The following TTN variants were observed in gnomAD, a reference collection of about 807,000 sequenced individuals.
TTN encodes connectin.
In TTN, 1,525 loss-of-function variants were observed where a neutral mutation model predicts 3,223.0. That is an observed-to-expected ratio of 0.47 (90% CI 0.45 to 0.49). The LOEUF (loss-of-function observed/expected upper bound fraction) is 0.49. Among genes scored for constraint, TTN ranks in the 20% least tolerant of loss-of-function variants. The pLI, the probability that TTN is intolerant of heterozygous loss-of-function variation, is 0.00. For missense variants in TTN, 40,786 were observed against 43,424.0 expected, an observed-to-expected ratio of 0.94 and a Z score of 5.40; for synonymous variants, 14,094 against 15,161.0, an observed-to-expected ratio of 0.93 and a Z score of 5.17.
At chr2:178,792,232 C>CGGGCGCGG (rs765529883) in intron 9 of TTN, 35 bp from the exon 10 acceptor site, 4 of 1,582,012 alleles carry the variant, frequency 2.5e-6, no homozygotes, top group Non-Finnish European at 8.6e-7. Flanking sequence ...ACTTTATTTC[C>CGGGCGCGG]TGATGCCCAA....
Position 178,776,956 on chromosome 2 carries a change from A to G in TTN, c.4908T>C (p.Ala1636=). Residue 1636 remains alanine, a synonymous_variant, in exon 28 of 363, where the codon GCT becomes GCC. Transcript: ENST00000589042. ...AWYTATAINK[A]GRDTTRCKVN... ...CTTTGCATCTTGTAGTGTCTCTGCC[A>G]GCTTTATTAATAGCAGTCGCAGTAT... is the stretch of plus-strand genomic sequence containing the variant. 1.2e-6 allele frequency: 2 copies of G among 1,613,930 alleles called. No individual in the cohort carries two copies. The highest frequency in any genetic ancestry group is 1.7e-6 in the Non-Finnish European group (2 of 1,179,966).
Position 178,729,717 on chromosome 2 carries a change from T to A in TTN, c.18536A>T (p.Glu6179Val). ...RVENSGTYVC[E>V]ARNDAGTASC... Reference sequence around the variant, plus strand: ...CGCCGTGCCTGCGTCATTTCGAGCTTCACACACATAAGTCCCACTATTTTC... The same window carrying A: ...CGCCGTGCCTGCGTCATTTCGAGCTACACACACATAAGTCCCACTATTTTC... The change falls in exon 63 of 363, where the codon GAA becomes GTA. Residue 6179 changes from glutamate to valine, a missense_variant. Glu to Val is a moderately radical substitution (Grantham distance 121). Coordinates refer to ENST00000589042, the MANE Select transcript of TTN (RefSeq NM_001267550.2). The A allele has an allele frequency of 6.2e-7, 1 of 1,613,742 alleles. No homozygotes were observed. The highest frequency in any genetic ancestry group is 8.5e-7 in the Non-Finnish European group (1 of 1,179,714).
Position 178,713,316 on chromosome 2 carries a change from C to T in TTN, c.26818G>A (p.Gly8940Ser), listed in dbSNP as rs201005813. The part of the protein sequence containing the change: ...RKLKETNGLS[G>S]SSVVMECKVY... Reference sequence around the variant, plus strand: ...TTACACTCCATTACAACTGAGGAGCCGGATAGACCATTTGTCTCTTTCAAT... The same window carrying T: ...TTACACTCCATTACAACTGAGGAGCTGGATAGACCATTTGTCTCTTTCAAT... Residue 8940 changes from glycine to serine, a missense_variant, in exon 93 of 363, where the codon GGC becomes AGC. Coordinates refer to ENST00000589042, the MANE Select transcript of TTN (RefSeq NM_001267550.2). 296 of 1,581,412 alleles carry T rather than the reference C, an allele frequency of 1.9e-4. No homozygotes were observed. The African/African-American group carries it at 3.4e-3, about 18-fold the overall frequency.
chr2:178,645,782 C>T (rs769227900), intron 217 of TTN, 138 bp downstream of exon 217: 28 of 508,696 alleles, frequency 5.5e-5, no homozygotes, highest in Non-Finnish European at 8.3e-5. Context: ...GAAGAGACAG[C>T]TCTATGCAAT....
Position 178,664,120 on chromosome 2 carries a change from T to C in TTN, c.36281-22A>G, listed in dbSNP as rs758737861. 5.7e-6 allele frequency: 9 copies of C among 1,587,476 alleles called. No individual in the cohort carries two copies. In the East Asian group the frequency reaches 2.0e-4, roughly 35 times the overall value. On this transcript the variant is annotated intron_variant, in intron 168 of 362. Coordinates refer to ENST00000589042, the MANE Select transcript of TTN (RefSeq NM_001267550.2). ...TGCACTTGAAAGATATTAGTATTTT[T>C]ACACTCAGAAAATACAGAGATTACT...
intron 46 of TTN, 30 bp downstream of exon 46, chr2:178,756,192 G>T: frequency 6.6e-7 from 1 of 1,511,876 alleles, no homozygotes; most frequent in Non-Finnish European, 9.1e-7. Context: ...AGGATGAAAT[G>T]AAGCAAGTCA....
intron 224 of TTN, among the ~76,000 whole-genome samples, chr2:178,637,142 G>A (rs1448018060): frequency 2.3e-5 from 1 of 42,608 alleles, no homozygotes; most frequent in East Asian, 6.5e-4. Flanking sequence ...CTAAAATATA[G>A]TTGGATATAT....
Position 178,553,292 on chromosome 2 carries a change from T to G in TTN, c.89608A>C (p.Thr29870Pro). Reference protein sequence around the residue: ...LIPFKGRPPPTVTWRKDEKNL... With the variant: ...LIPFKGRPPPPVTWRKDEKNL... ...TTCTCATCTTTTCTCCATGTGACAG[T>G]AGGTGGAGGTCTGCCTTTAAAGGGA... Residue 29870 changes from threonine to proline, a missense_variant, in exon 335 of 363, where the codon ACT becomes CCT. Transcript: ENST00000589042. 1 of 1,609,230 alleles carries G rather than the reference T, an allele frequency of 6.2e-7. No homozygotes were observed. Among genetic ancestry groups the G allele is most frequent in the Middle Eastern group, 1.7e-4 (1 of 6,060 alleles).
At chr2:178,750,334 A>T in intron 47 of TTN, 1 of 1,613,226 alleles carries the variant, frequency 6.2e-7, no homozygotes, top group Non-Finnish European at 8.5e-7. Flanking sequence ...TTACTGTTCC[A>T]TATTGGTTAA....
At position 178,741,780 on chromosome 2, in the gene TTN, G is replaced by A. The variant is rs1209898883; in HGVS notation, c.11453C>T (p.Thr3818Ile). ...CACTTCTTTGATGAAAATTGGGCCA[G>A]TGCCTTCCTTTTCGGAATCAAATTT... Reference protein sequence around the residue: ...PTKFDSEKEGTGPIFIKEVSN... With the variant: ...PTKFDSEKEGIGPIFIKEVSN... The change falls in exon 48 of 363, where the codon ACT becomes ATT. Residue 3818 changes from threonine to isoleucine, a missense_variant. Thr to Ile is a moderately conservative substitution (Grantham distance 89). Transcript: ENST00000589042. 1 of 1,613,510 alleles carries A rather than the reference G, an allele frequency of 6.2e-7. No homozygotes were observed. The highest frequency in any genetic ancestry group is 1.1e-5 in the South Asian group (1 of 91,070).
At chr2:178,711,469 T>A (rs937795269) in intron 96 of TTN, 120 bp from the exon 97 acceptor site, 87 of 1,141,842 alleles carry the variant, frequency 7.6e-5, no homozygotes, top group Non-Finnish European at 9.0e-5. Context: ...ATTATTAATG[T>A]CTCTTGAATT....
In TTN at chr2:178,571,570, G is replaced by A. The variant is rs767193647; in HGVS notation, c.74562C>T (p.Thr24854=). ...CTGTAGCTGATACAATTTGCCAGGT[G>A]GTTGTGGAAGTGTCCCGTTTCTCAA... ...YIVEKRDTST[T]TWQIVSATVA... Residue 24854 remains threonine (T), a synonymous_variant, in exon 326 of 363, where the codon ACC becomes ACT. Transcript: ENST00000589042. 3 of 1,613,232 alleles carry A rather than the reference G, an allele frequency of 1.9e-6. No individual in the cohort carries two copies. The highest frequency in any genetic ancestry group is 1.7e-5 in the Admixed American group (1 of 59,974).
Position 178,587,391 on chromosome 2 carries a change from T to C in TTN, c.63820A>G (p.Lys21274Glu), listed in dbSNP as rs886042547. The C allele has an allele frequency of 6.2e-7, 1 of 1,611,000 alleles. No homozygotes were observed. Among genetic ancestry groups the C allele is most frequent in the South Asian group, 1.1e-5 (1 of 90,738 alleles). The change falls in exon 307 of 363, where the codon AAA becomes GAA. Residue 21274 changes from lysine to glutamate, a missense_variant. By Grantham distance (56) the Lys-to-Glu change is moderately conservative. Transcript: ENST00000589042. ...GATGTTTTAGTGACATCTGAAACTT[T>C]TAAATCAGACACAGGCCCAGGAGTG... ...LDTPGPVSDL[K>E]VSDVTKTSCH...
At chr2:178,688,866 A>C (rs1370654694) in intron 125 of TTN, 88 bp from the exon 126 acceptor site, 1 of 1,171,270 alleles carries the variant, frequency 8.5e-7, no homozygotes, top group Admixed American at 2.0e-5. Flanking sequence ...TGCACAGTAC[A>C]CCACTTTGAC....
chr2:178,684,227 TCAA>T (rs78092378), intron 132 of TTN, 100 bp downstream of exon 132: 396 of 1,278,142 alleles, frequency 3.1e-4, no homozygotes, highest in Middle Eastern at 5.7e-4. Context: ...AACAACAACA[TCAA>T]CAACAACAAC....
In TTN at chr2:178,592,941, C is replaced by T. The variant is rs1360470913; in HGVS notation, c.59178G>A (p.Glu19726=). The T allele has an allele frequency of 9.0e-5, 146 of 1,613,482 alleles. No individual in the cohort carries two copies. Among genetic ancestry groups the T allele is most frequent in the Non-Finnish European group, 1.2e-4 (145 of 1,179,596 alleles). The part of the protein sequence containing the change: ...IVEYQKVGDE[E]WRRANHTPES... Reference sequence around the variant, plus strand: ...CAGGGGTGTGATTGGCTCTTCTCCACTCTTCATCTCCAACTTTCTGGTACT... The same window carrying T: ...CAGGGGTGTGATTGGCTCTTCTCCATTCTTCATCTCCAACTTTCTGGTACT... The change falls in exon 300 of 363, where the codon GAG becomes GAA. Residue 19726 remains glutamate (E), a synonymous_variant. Coordinates refer to ENST00000589042, the MANE Select transcript of TTN (RefSeq NM_001267550.2).
rs2094275059 is a variant in TTN, at chr2:178,805,475, C to A, written c.-13-820G>T. Among the ~76,000 whole-genome samples, 3 of 152,008 alleles carry A rather than the reference C, an allele frequency of 2.0e-5. No homozygotes were observed. The South Asian group carries it at 6.2e-4, about 32-fold the overall frequency. On this transcript the variant is annotated intron_variant, in intron 1 of 362. Coordinates refer to ENST00000589042, the MANE Select transcript of TTN (RefSeq NM_001267550.2). ...TATATTTATAAAGTTGACATTGATT[C>A]AGACATTATCTGATTACTTAAAATA... is the stretch of plus-strand genomic sequence containing the variant.
In TTN at chr2:178,587,565, A is replaced by G; in HGVS notation, c.63744T>C (p.Leu21248=). 1.2e-6 allele frequency: 2 copies of G among 1,612,136 alleles called. No individual in the cohort carries two copies. Among genetic ancestry groups the G allele is most frequent in the East Asian group, 2.2e-5 (1 of 44,570 alleles). The change falls in exon 306 of 363, where the codon CTT becomes CTC. Residue 21248 remains leucine (L), a synonymous_variant. Coordinates refer to ENST00000589042, the MANE Select transcript of TTN (RefSeq NM_001267550.2). ...RDDSGKYSLT[L]VNPAGEKAVF... ...CAGCCTTTTCTCCTGCTGGGTTCAC[A>G]AGTGTTAAGGAATATTTTCCTGAGT...
chr2:178,561,357 G>T lies in TTN; in HGVS notation c.84775C>A (p.Pro28259Thr). The T allele has an allele frequency of 6.2e-7, 1 of 1,613,734 alleles. No homozygotes were observed. Among genetic ancestry groups the T allele is most frequent in the Non-Finnish European group, 8.5e-7 (1 of 1,179,780 alleles). The change falls in exon 326 of 363, where the codon CCT (proline) becomes ACT (threonine). Residue 28259 changes from proline (P) to threonine (T), a missense_variant. Coordinates refer to ENST00000589042, the MANE Select transcript of TTN (RefSeq NM_001267550.2). ...ARDPCDPPGQPEVTNITRKSV... is the reference protein window; with the variant it reads ...ARDPCDPPGQTEVTNITRKSV... Reference sequence around the variant, plus strand: ...TTTCTTGTGATATTTGTGACTTCAGGTTGTCCAGGAGGGTCACAAGGATCT... The same window carrying T: ...TTTCTTGTGATATTTGTGACTTCAGTTTGTCCAGGAGGGTCACAAGGATCT...
Sources: gnomAD v4.1 joint callset for allele counts (sites outside exome capture counted in the v4.1 genomes callset) on GRCh38, gnomAD v4.1.1 for gene constraint, MANE v1.5 for transcripts, NCBI Gene and HGNC (gene_info 2026-07-23, HGNC 2026-07-21) for gene names.